AATF: variants seen among roughly 807,000 people sequenced by gnomAD.
AATF encodes the protein apoptosis antagonizing transcription factor, also known as protein AATF.
AATF carries 48 observed loss-of-function variants against 63.7 expected under a neutral mutation model. The observed-to-expected ratio is 0.75, with a 90% CI of 0.60 to 0.96. The LOEUF is 0.96. Among genes scored for constraint, AATF ranks in the 40% least tolerant of loss-of-function variants. The pLI, the probability that AATF is intolerant of heterozygous loss-of-function variation, is 0.00. For synonymous variants in AATF, 258 were observed against 247.7 expected (o/e 1.04, Z -0.39); for missense variants, 639 against 685.7 (o/e 0.93, Z 0.76).
At chr17:37,022,873 C>G (rs1056074511) in intron 10 of AATF, among the ~76,000 whole-genome samples, 42 of 152,148 alleles carry the variant, frequency 2.8e-4, no homozygotes, top group African/African-American at 9.4e-4. Flanking sequence ...GGGTCAGTCT[C>G]TTTTCCTAGT....
chr17:36,990,740 G>T lies in AATF; in HGVS notation c.1315-34G>T, dbSNP rs199966072. ...CTACATTAGTTAGATAGCCTTGTTG[G>T]GATTCACTCTTTTCTTACTCATTGT... is the stretch of plus-strand genomic sequence containing the variant. On this transcript the variant is annotated intron_variant, in intron 7 of 11. Transcript: ENST00000619387. The T allele has an allele frequency of 2.7e-5, 37 of 1,346,944 alleles. No homozygotes were observed. In the African/African-American group the frequency reaches 5.0e-4, roughly 18 times the overall value. The allele number at this position is 1,346,944 out of a possible 1,614,324, so 83.4% of individuals were successfully genotyped here. A position where few individuals can be genotyped will look rare whatever the true frequency, so the allele number is the denominator to read the frequency against.
intron 4 of AATF, among the ~76,000 whole-genome samples, chr17:36,976,959 C>T (rs2071084295): frequency 6.6e-6 from 1 of 152,124 alleles, no homozygotes; most frequent in South Asian, 2.1e-4. Flanking sequence ...TTTTGAGACA[C>T]TCTAAGATAA....
rs566466391 is a variant in AATF at position 36,988,156 on chromosome 17, A to T, written c.948-363A>T. ...TAGTGAAACACCATCTTTACTAAAAATATGAAAAAAATTAGTCGGGCATGG... is the reference window on the plus strand; with the variant it reads ...TAGTGAAACACCATCTTTACTAAAATTATGAAAAAAATTAGTCGGGCATGG... On this transcript the variant is annotated intron_variant, in intron 5 of 11. Coordinates refer to ENST00000619387, the MANE Select transcript of AATF (RefSeq NM_012138.4). Among the ~76,000 whole-genome samples the T allele has an allele frequency of 8.6e-4, 131 of 152,316 alleles. 1 individual carries two copies. Among genetic ancestry groups the T allele is most frequent in the African/African-American group, 3.1e-3 (127 of 41,556 alleles).
intron 8 of AATF, among the ~76,000 whole-genome samples, chr17:37,004,364 G>C (rs777240405): frequency 3.3e-5 from 5 of 152,138 alleles, no homozygotes; most frequent in Non-Finnish European, 7.4e-5. Flanking sequence ...ATAAATTGGA[G>C]ACAGTGAGTA....
chr17:37,041,586 A>G (rs1385394084), intron 11 of AATF, among the ~76,000 whole-genome samples: 1 of 152,052 alleles, frequency 6.6e-6, no homozygotes, highest in Non-Finnish European at 1.5e-5. Context: ...GCTCACTGCA[A>G]TGTCCGCCTC....
At chr17:37,032,367 C>T (rs887960147) in intron 11 of AATF, among the ~76,000 whole-genome samples, 17 of 152,096 alleles carry the variant, frequency 1.1e-4, no homozygotes, top group African/African-American at 2.9e-4. Context: ...GTGGAAGTGC[C>T]GTCAAACTGG....
intron 8 of AATF, among the ~76,000 whole-genome samples, chr17:37,015,659 T>G (rs2142282857): frequency 6.6e-6 from 1 of 152,284 alleles, no homozygotes; most frequent in South Asian, 2.1e-4. Flanking sequence ...GGGAGACACA[T>G]GCAGAAGACC....
intron 8 of AATF, among the ~76,000 whole-genome samples, chr17:36,993,217 G>T (rs1033772588): frequency 6.6e-6 from 1 of 152,172 alleles, no homozygotes; most frequent in Non-Finnish European, 1.5e-5. Context: ...TGAGCTGCAA[G>T]GCAGCTGCAC....
chr17:37,033,809 G>A (rs987676303), intron 11 of AATF: 2 of 154,460 alleles, frequency 1.3e-5, no homozygotes, highest in East Asian at 1.9e-4. Flanking sequence ...GCAACTTAAC[G>A]CCATCAAACA....
intron 4 of AATF, among the ~76,000 whole-genome samples, chr17:36,969,998 T>C (rs114815926): frequency 0.017 from 2,662 of 152,330 alleles, 82 homozygotes; most frequent in African/African-American, 0.061. Context: ...TGCCTTTTGT[T>C]GCTGAGTAGT....
intron 8 of AATF, among the ~76,000 whole-genome samples, chr17:36,993,741 T>C (rs1374569093): frequency 6.6e-6 from 1 of 152,148 alleles, no homozygotes; most frequent in Non-Finnish European, 1.5e-5. Context: ...CCAGACTCTT[T>C]GGGTTCATGT....
At position 36,953,766 on chromosome 17, in the gene AATF, T is replaced by C; in HGVS notation, c.695-4T>C. 1.2e-6 allele frequency: 2 copies of C among 1,612,208 alleles called. No individual in the cohort carries two copies. The highest frequency in any genetic ancestry group is 1.7e-6 in the Non-Finnish European group (2 of 1,179,488). ...GGAATGGGATTCTCTTTTCTTCTTT[T>C]CAGCACTGTGGGACCAGCTCTTGGA... is the stretch of plus-strand genomic sequence containing the variant. On this transcript the variant is annotated splice_polypyrimidine_tract_variant and splice_region_variant and intron_variant, in intron 3 of 11. Transcript: ENST00000619387.
intron 4 of AATF, among the ~76,000 whole-genome samples, chr17:36,958,527 T>A (rs781591842): frequency 2.6e-5 from 4 of 152,160 alleles, no homozygotes; most frequent in Admixed American, 6.5e-5. Context: ...GGCAATGATA[T>A]GTAAGGAAGA....
chr17:36,949,465 C>T (rs927609040), intron 1 of AATF, among the ~76,000 whole-genome samples: 1 of 152,268 alleles, frequency 6.6e-6, no homozygotes, highest in East Asian at 1.9e-4. Flanking sequence ...CCGAGAGGAG[C>T]TGGTCTTCAG....
intron 11 of AATF, among the ~76,000 whole-genome samples, chr17:37,053,203 A>G (rs2071768408): frequency 6.6e-6 from 1 of 152,158 alleles, no homozygotes; most frequent in Non-Finnish European, 1.5e-5. Context: ...ATGGAGGGAA[A>G]AGCCTCATCC....
At chr17:37,056,309 T>A in intron 11 of AATF, 1 of 386,166 alleles carries the variant, frequency 2.6e-6, no homozygotes, top group Non-Finnish European at 4.7e-6. Flanking sequence ...TATTAAAATA[T>A]TCAATCTTGT....
chr17:37,017,445 A>G (rs2071437105), intron 8 of AATF, among the ~76,000 whole-genome samples: 1 of 152,172 alleles, frequency 6.6e-6, no homozygotes, highest in Non-Finnish European at 1.5e-5. Flanking sequence ...TTTACACAGC[A>G]GCAGTGTTAC....
intron 4 of AATF, among the ~76,000 whole-genome samples, chr17:36,956,957 C>T (rs2070906216): frequency 6.6e-6 from 1 of 151,226 alleles, no homozygotes; most frequent in African/African-American, 2.4e-5. Flanking sequence ...GCCTGAGCGA[C>T]AAGAGCGAAA....
chr17:37,034,827 TAAAAATC>T (rs1216558591), intron 11 of AATF: 1 of 151,938 alleles, frequency 6.6e-6, no homozygotes, highest in Non-Finnish European at 1.5e-5. Flanking sequence ...CAAGAAGACT[TAAAAATC>T]AAAAAAGAAG....
Sources: gnomAD v4.1 joint callset for allele counts (sites outside exome capture counted in the v4.1 genomes callset) on GRCh38, gnomAD v4.1.1 for gene constraint, MANE v1.5 for transcripts, NCBI Gene and HGNC (gene_info 2026-07-23, HGNC 2026-07-21) for gene names.